Variants in PHF23 observed in about 807,000 individuals in gnomAD.
The protein encoded by PHF23 is PDH-containing protein JUNE-1.
In PHF23, 3 loss-of-function variants were observed where a neutral mutation model predicts 36.0. That is an observed-to-expected ratio of 0.08 (90% CI 0.04 to 0.22). The LOEUF (loss-of-function observed/expected upper bound fraction) is 0.22. Ranked by LOEUF, PHF23 falls within the 10% of genes least tolerant of loss-of-function variation. The pLI, the probability that PHF23 is intolerant of heterozygous loss-of-function variation, is 1.00. For synonymous variants in PHF23, 242 were observed against 192.5 expected, an observed-to-expected ratio of 1.26 and a Z score of -2.13; for missense variants, 475 against 513.6, an observed-to-expected ratio of 0.92 and a Z score of 0.73.
Position 7,236,497 on chromosome 17 carries a change from T to C in PHF23, c.430A>G (p.Lys144Glu). 1 of 1,614,052 alleles carries C rather than the reference T, an allele frequency of 6.2e-7. No homozygotes were observed. The highest frequency in any genetic ancestry group is 2.2e-5 in the East Asian group (1 of 44,868). Residue 144 changes from lysine to glutamate, a missense_variant, in exon 4 of 5, where the codon AAA (lysine) becomes GAA (glutamate). Around this residue, in one of 5 missense-constraint regions of PHF23, gnomAD observed 350 missense variants for 319.8 expected, o/e 1.09. Coordinates refer to ENST00000320316, the MANE Select transcript of PHF23 (RefSeq NM_024297.3). The surrounding 1 kb of genome is among the most constrained non-coding windows in gnomAD (Gnocchi z 5.1). Reference protein sequence around the residue: ...KDSLFDLDGPKVASPLSPTSL... With the variant: ...KDSLFDLDGPEVASPLSPTSL... ...GTGGGGGACAAAGGAGATGCCACTT[T>C]GGGCCCATCCAGATCAAAGAGAGAG...
chr17:7,239,220 G>A (rs2071744124), intron 1 of PHF23, 26 bp downstream of exon 1: 11 of 1,495,414 alleles, frequency 7.4e-6, no homozygotes, highest in African/African-American at 1.4e-5. Context: ...CGCCGGCTCA[G>A]CGCTCTGCAC....
chr17:7,238,198 CCCCAGACACA>C (rs1159383306), intron 1 of PHF23: 1 of 159,256 alleles, frequency 6.3e-6, no homozygotes, highest in African/African-American at 2.5e-5. Context: ...CTCACCCCCA[CCCCAGACACA>C]CACAGGCACA....
Position 7,236,712 on chromosome 17 carries a change from G to A in PHF23, c.215C>T (p.Ala72Val), listed in dbSNP as rs760456673. ...SSSPLRGESAADSDGWDSAPS... is the reference protein window; with the variant it reads ...SSSPLRGESAVDSDGWDSAPS... ...GGCCGAGTCCCAGCCATCACTGTCG[G>A]CCGCACTCTCTCCTCGCAATGGAGA... The change falls in exon 4 of 5, where the codon GCC (alanine) becomes GTC (valine). Residue 72 changes from alanine to valine, a missense_variant. Physicochemically the swap from Ala to Val is moderately conservative, Grantham distance 64. Transcript: ENST00000320316. This position sits in a 1 kb window ranked among gnomAD's most constrained non-coding sequence, Gnocchi z 5.1. 29 of 1,613,754 alleles carry A rather than the reference G, an allele frequency of 1.8e-5. No individual in the cohort carries two copies. Among genetic ancestry groups the A allele is most frequent in the Non-Finnish European group, 2.3e-5 (27 of 1,180,006 alleles).
chr17:7,238,893 C>CTT, intron 1 of PHF23: 1 of 1,533,534 alleles, frequency 6.5e-7, no homozygotes, highest in East Asian at 2.4e-5. Context: ...CACTCAGCCT[C>CTT]TTCTACGTCC....
At chr17:7,237,194 G>C (rs1393976428) in intron 3 of PHF23, among the ~76,000 whole-genome samples, 191 bp downstream of exon 3, 1 of 152,084 alleles carries the variant, frequency 6.6e-6, no homozygotes, top group Non-Finnish European at 1.5e-5. Context: ...TGCTGTTCAA[G>C]CTAGCTATCC....
chr17:7,236,516 G>A lies in PHF23; in HGVS notation c.411C>T (p.Leu137=), dbSNP rs1275933086. ...LLEKMKLKDS[L]FDLDGPKVAS... ...CCACTTTGGGCCCATCCAGATCAAAGAGAGAGTCCTTGAGCTTCATCTTCT... is the reference window on the plus strand; with the variant it reads ...CCACTTTGGGCCCATCCAGATCAAAAAGAGAGTCCTTGAGCTTCATCTTCT... Residue 137 remains leucine (L), a synonymous_variant, in exon 4 of 5, where the codon CTC becomes CTT. Transcript: ENST00000320316. This position sits in a 1 kb window ranked among gnomAD's most constrained non-coding sequence, Gnocchi z 5.1. The A allele has an allele frequency of 7.4e-6, 12 of 1,614,078 alleles. No homozygotes were observed. Among genetic ancestry groups the A allele is most frequent in the South Asian group, 4.4e-5 (4 of 91,092 alleles).
At chr17:7,237,102 T>C (rs1324963947) in intron 3 of PHF23, among the ~76,000 whole-genome samples, 1 of 152,112 alleles carries the variant, frequency 6.6e-6, no homozygotes, top group Non-Finnish European at 1.5e-5. Context: ...CTAAAATTTA[T>C]CCATAAACAC....
chr17:7,239,857 C>CA (rs2071757475), upstream of PHF23: 1 of 152,380 alleles, frequency 6.6e-6, no homozygotes, highest in Admixed American at 6.5e-5. Context: ...TCTTTCTCCC[C>CA]AGGAGGACCG....
chr17:7,237,554 G>A (rs2071694466), intron 2 of PHF23, 75 bp downstream of exon 2: 1 of 1,604,206 alleles, frequency 6.2e-7, no homozygotes, highest in African/African-American at 1.3e-5. Flanking sequence ...CAGTCCCTAA[G>A]TGAGGTCTAG....
In PHF23 at chr17:7,238,801, C is replaced by T. The variant is rs753459728; in HGVS notation, c.34+445G>A. 3.3e-6 allele frequency: 5 copies of T among 1,534,422 alleles called. No individual in the cohort carries two copies. In the East Asian group the frequency reaches 9.8e-5, roughly 30 times the overall value. On this transcript the variant is annotated intron_variant, in intron 1 of 4. Coordinates refer to ENST00000320316, the MANE Select transcript of PHF23 (RefSeq NM_024297.3). ...ACCTGCCCACCTCTCCGACAATCAC[C>T]GGGCATTCTCCGGCGGCAACTACTC...
rs1043790549 is a variant in PHF23, at chr17:7,237,490, A to G, written c.67-13T>C. ...GTTTCTCTGGTGGCTGAAAGGAAGGAGATATGGATCACATGCAAAGCCACA... is the reference window on the plus strand; with the variant it reads ...GTTTCTCTGGTGGCTGAAAGGAAGGGGATATGGATCACATGCAAAGCCACA... On this transcript the variant is annotated splice_polypyrimidine_tract_variant and intron_variant, in intron 2 of 4. Coordinates refer to ENST00000320316, the MANE Select transcript of PHF23 (RefSeq NM_024297.3). The G allele has an allele frequency of 3.7e-6, 6 of 1,612,650 alleles. No homozygotes were observed. The African/African-American group carries it at 8.0e-5, about 22-fold the overall frequency.
chr17:7,236,498 G>A lies in PHF23; in HGVS notation c.429C>T (p.Pro143=), dbSNP rs1444384899. Residue 143 remains proline, a synonymous_variant, in exon 4 of 5, where the codon CCC becomes CCT. Coordinates refer to ENST00000320316, the MANE Select transcript of PHF23 (RefSeq NM_024297.3). The surrounding 1 kb of genome is among the most constrained non-coding windows in gnomAD (Gnocchi z 5.1). ...LKDSLFDLDG[P]KVASPLSPTS... is the part of the protein sequence containing the mutation. ...TGGGGGACAAAGGAGATGCCACTTT[G>A]GGCCCATCCAGATCAAAGAGAGAGT... 27 of 1,613,946 alleles carry A rather than the reference G, an allele frequency of 1.7e-5. No individual in the cohort carries two copies. Among genetic ancestry groups the A allele is most frequent in the South Asian group, 7.7e-5 (7 of 91,090 alleles).
At chr17:7,240,826 A>ACC, upstream of PHF23, 1 of 1,523,128 alleles carries the variant, frequency 6.6e-7, no homozygotes, top group Non-Finnish European at 9.1e-7. Context: ...GTAGAATGAG[A>ACC]CCCCCCTCCA....
In PHF23 at chr17:7,235,373, G is replaced by A; in HGVS notation, c.*253C>T. ...CAGAAAGTGATGGTGGCAGGTCCAA[G>A]AGACAGAGATTATGTGTCGGGACAC... On this transcript the variant is annotated 3_prime_UTR_variant, in exon 5 of 5. Transcript: ENST00000320316. 1 of 521,908 alleles carries A rather than the reference G, an allele frequency of 1.9e-6. No individual in the cohort carries two copies. Among genetic ancestry groups the A allele is most frequent in the Non-Finnish European group, 3.5e-6 (1 of 288,568 alleles). 32.3% of individuals were successfully genotyped at this position (521,908 alleles called of 1,614,324 possible).
At chr17:7,237,274 C>T in intron 3 of PHF23, 111 bp downstream of exon 3, 1 of 978,240 alleles carries the variant, frequency 1.0e-6, no homozygotes, top group Non-Finnish European at 1.6e-6. Context: ...CCTGGTCTTA[C>T]ATATAATTTC....
chr17:7,235,967 C>T lies in PHF23; in HGVS notation c.960G>A (p.Glu320=). The change falls in exon 4 of 5, where the codon GAG becomes GAA. Residue 320 remains glutamate, a synonymous_variant. Coordinates refer to ENST00000320316, the MANE Select transcript of PHF23 (RefSeq NM_024297.3). ...QDGDASSSEG[E]MRVMDEDIMV... is the part of the protein sequence containing the mutation. ...TGATGTCCTCGTCCATGACCCGCATCTCGCCTTCACTGGAGCTGGCATCTC... is the reference window on the plus strand; with the variant it reads ...TGATGTCCTCGTCCATGACCCGCATTTCGCCTTCACTGGAGCTGGCATCTC... The T allele has an allele frequency of 6.2e-7, 1 of 1,612,752 alleles. No homozygotes were observed.
At chr17:7,237,787 C>G (rs2071700436) in intron 1 of PHF23, 127 bp from the exon 2 acceptor site, 2 of 1,152,522 alleles carry the variant, frequency 1.7e-6, no homozygotes, top group Non-Finnish European at 2.5e-6. Flanking sequence ...CAGCAGGCCC[C>G]CAGCTGTGTT....
In PHF23 at chr17:7,239,378, G is replaced by A. The variant is rs1051401262; in HGVS notation, c.-99C>T. 4.6e-4 allele frequency: 290 copies of A among 634,602 alleles called. 1 individual carries two copies. The highest frequency in any genetic ancestry group is 7.1e-4 in the Non-Finnish European group (251 of 356,006). 39.3% of individuals were successfully genotyped at this position (634,602 alleles called of 1,614,324 possible). On this transcript the variant is annotated 5_prime_UTR_variant, in exon 1 of 5. Coordinates refer to ENST00000320316, the MANE Select transcript of PHF23 (RefSeq NM_024297.3). ...GATGCTCCCACTGCTTCGCTCCACA[G>A]AAGTGTCCGCCTCAGCCCGGTTGAG...
rs1452527826 is a variant in PHF23, at chr17:7,236,239, C to A, written c.688G>T (p.Asp230Tyr). 1 of 1,613,104 alleles carries A rather than the reference C, an allele frequency of 6.2e-7. No homozygotes were observed. The highest frequency in any genetic ancestry group is 1.3e-5 in the African/African-American group (1 of 75,010). Residue 230 changes from aspartate to tyrosine, a missense_variant, in exon 4 of 5, where the codon GAT (aspartate) becomes TAT (tyrosine). By Grantham distance (160) the Asp-to-Tyr change is radical (BLOSUM62 -3). Transcript: ENST00000320316. This position sits in a 1 kb window ranked among gnomAD's most constrained non-coding sequence, Gnocchi z 5.1. ...KRKLKKAERG[D>Y]RLPPPGPPQA... ...GGAGGCCCAGGAGGTGGGAGTCTAT[C>A]CCCCCGTTCTGCCTTTTTTAACTTC...
Sources: allele counts gnomAD v4.1 joint callset (sites outside exome capture counted in the v4.1 genomes callset), GRCh38; gene constraint gnomAD v4.1.1; regional missense constraint gnomAD v4.1.1; non-coding constraint Gnocchi (gnomAD v3.1); transcripts MANE v1.5; gene names NCBI Gene and HGNC (gene_info 2026-07-23, HGNC 2026-07-21).